CEMIP2: variants seen among roughly 807,000 people sequenced by gnomAD.
CEMIP2 encodes cell migration inducing hyaluronidase 2.
Under a neutral mutation model 146.9 loss-of-function variants are expected in CEMIP2, and 79 were observed. That is an observed-to-expected ratio of 0.54 (90% CI 0.45 to 0.65). CEMIP2 has a LOEUF of 0.65. Among genes scored for constraint, CEMIP2 ranks in the 30% least tolerant of loss-of-function variants. The pLI is 0.00. For missense variants in CEMIP2, 1,596 were observed against 1,696.2 expected (o/e 0.94, Z 1.04); for synonymous variants, 601 against 606.3 (o/e 0.99, Z 0.13).
intron 18 of CEMIP2, among the ~76,000 whole-genome samples, chr9:71,701,228 C>T (rs1243373705): frequency 6.6e-6 from 1 of 152,164 alleles, no homozygotes; most frequent in Admixed American, 6.5e-5. Context: ...GCCTCAGCCT[C>T]TCGAGTAGCT....
chr9:71,695,950 T>A (rs1167021287), intron 20 of CEMIP2, among the ~76,000 whole-genome samples: 3 of 151,962 alleles, frequency 2.0e-5, no homozygotes, highest in Non-Finnish European at 4.4e-5. Context: ...ACCCCGCCTC[T>A]ATATTTAAGA....
chr9:71,757,641 CT>C (rs1824504480), intron 1 of CEMIP2, among the ~76,000 whole-genome samples: 1 of 152,170 alleles, frequency 6.6e-6, no homozygotes, highest in African/African-American at 2.4e-5. Flanking sequence ...TTCTAACTGC[CT>C]TGAATTTTCA....
rs1461707661 is a variant in CEMIP2, at chr9:71,745,421, C to T, written c.631G>A (p.Gly211Ser). ...TITLYGKSDE[G>S]ESMPTFGKKF... ...TTGCCAAATGTTGGCATACTTTCACCTTCATCTGACTTGCCATACAAGGTA... is the reference window on the plus strand; with the variant it reads ...TTGCCAAATGTTGGCATACTTTCACTTTCATCTGACTTGCCATACAAGGTA... Residue 211 changes from glycine (G) to serine (S), a missense_variant, in exon 4 of 24, where the codon GGT becomes AGT. By Grantham distance (56) the Gly-to-Ser change is moderately conservative (BLOSUM62 0). Coordinates refer to ENST00000377044, the MANE Select transcript of CEMIP2 (RefSeq NM_013390.3). The T allele has an allele frequency of 6.2e-7, 1 of 1,614,034 alleles. No homozygotes were observed. Among genetic ancestry groups the T allele is most frequent in the Admixed American group, 1.7e-5 (1 of 59,996 alleles).
chr9:71,690,302 A>AT (rs1822191770), intron 21 of CEMIP2, 56 bp from the exon 22 acceptor site: 2 of 1,582,896 alleles, frequency 1.3e-6, no homozygotes, highest in Non-Finnish European at 8.6e-7. Flanking sequence ...CATCTGCAGG[A>AT]TGACTCATTT....
chr9:71,736,707 T>G (rs1204193682), intron 5 of CEMIP2, among the ~76,000 whole-genome samples: 1 of 152,204 alleles, frequency 6.6e-6, no homozygotes, highest in Non-Finnish European at 1.5e-5. Flanking sequence ...ATTCATGATA[T>G]AATCTGTCAT....
chr9:71,694,952 A>G (rs1370861060), intron 20 of CEMIP2, among the ~76,000 whole-genome samples: 1 of 152,192 alleles, frequency 6.6e-6, no homozygotes, highest in African/African-American at 2.4e-5. Context: ...TTTTCAGACC[A>G]TGGTCCCTCA....
intron 20 of CEMIP2, among the ~76,000 whole-genome samples, chr9:71,697,008 T>C (rs1335940569): frequency 6.6e-6 from 1 of 152,174 alleles, no homozygotes; most frequent in Non-Finnish European, 1.5e-5. Context: ...GCAGTATGCA[T>C]ATTTGTGGTA....
rs1318665982 is a variant in CEMIP2, at chr9:71,683,935, C to CTGCTTCTTTCCTCTTGG, written c.*1245_*1261dup. 2 of 152,312 alleles carry CTGCTTCTTTCCTCTTGG rather than the reference C, an allele frequency of 1.3e-5. No homozygotes were observed. The highest frequency in any genetic ancestry group is 4.8e-5 in the African/African-American group (2 of 41,450). 9.4% of individuals were successfully genotyped at this position (152,312 alleles called of 1,614,324 possible). On this transcript the variant is annotated 3_prime_UTR_variant, in exon 24 of 24. Transcript: ENST00000377044. ...TTTAGAACAACGTAAAGGCATTTTG[C>CTGCTTCTTTCCTCTTGG]TGCTTCTTTCCTCTTGGTACGGCAG...
intron 20 of CEMIP2, 110 bp downstream of exon 20, chr9:71,697,875 C>T: frequency 9.2e-7 from 1 of 1,092,826 alleles, no homozygotes; most frequent in Non-Finnish European, 1.3e-6. Context: ...AGATGCCATG[C>T]AATGTCCATA....
intron 5 of CEMIP2, among the ~76,000 whole-genome samples, chr9:71,739,361 C>CAAAAAAAAAA (rs71353516): frequency 4.7e-5 from 2 of 42,816 alleles, no homozygotes; most frequent in African/African-American, 2.2e-4. Context: ...GACTCTGTCT[C>CAAAAAAAAAA]AAAAAAAAAA....
At chr9:71,752,906 A>G (rs1402154566) in intron 1 of CEMIP2, among the ~76,000 whole-genome samples, 5 of 152,206 alleles carry the variant, frequency 3.3e-5, no homozygotes, top group Admixed American at 2.0e-4. Flanking sequence ...GTTTCTGTCA[A>G]AAACACTTGG....
chr9:71,764,731 G>A (rs1824736510), intron 1 of CEMIP2, among the ~76,000 whole-genome samples: 1 of 152,062 alleles, frequency 6.6e-6, no homozygotes, highest in Non-Finnish European at 1.5e-5. Context: ...AATGTCAGAT[G>A]GGCTTAAGTC....
At chr9:71,740,842 AGT>A (rs1374391537) in intron 4 of CEMIP2, among the ~76,000 whole-genome samples, 1 of 152,218 alleles carries the variant, frequency 6.6e-6, no homozygotes, top group Non-Finnish European at 1.5e-5. Flanking sequence ...TGATTTGGGC[AGT>A]GGTTCTCAAA....
In CEMIP2 at chr9:71,728,297, A is replaced by ACG. The variant is rs1179770875; in HGVS notation, c.2049+1547_2049+1548insCG. Among the ~76,000 whole-genome samples, 6 of 41,336 alleles carry ACG rather than the reference A, an allele frequency of 1.5e-4. 1 individual carries two copies. The highest frequency in any genetic ancestry group is 1.4e-3 in the East Asian group (2 of 1,386). 27.1% of individuals were successfully genotyped at this position (41,336 alleles called of 152,430 possible). On this transcript the variant is annotated intron_variant, in intron 10 of 23. Coordinates refer to ENST00000377044, the MANE Select transcript of CEMIP2 (RefSeq NM_013390.3). ...TATATATATGTATATATATATATATATATACATATATATATATATACGTAT... is the reference window on the plus strand; with the variant it reads ...TATATATATGTATATATATATATATACGTATACATATATATATATATACGTAT...
At chr9:71,727,650 A>C (rs957866358) in intron 10 of CEMIP2, among the ~76,000 whole-genome samples, 4 of 152,196 alleles carry the variant, frequency 2.6e-5, no homozygotes, top group African/African-American at 9.6e-5. Flanking sequence ...ATTTCCTTTT[A>C]AAAACTTTAA....
At chr9:71,747,255 AAATTTAT>A (rs1824118374) in intron 2 of CEMIP2, among the ~76,000 whole-genome samples, 1 of 152,218 alleles carries the variant, frequency 6.6e-6, no homozygotes, top group South Asian at 2.1e-4. Context: ...AGATATTTTA[AAATTTAT>A]AAAGCATAGA....
intron 10 of CEMIP2, among the ~76,000 whole-genome samples, chr9:71,727,445 A>G (rs1226704279): frequency 1.3e-5 from 2 of 152,168 alleles, no homozygotes; most frequent in East Asian, 3.9e-4. Flanking sequence ...AAAATGATCA[A>G]ATGTCTGGGT....
chr9:71,750,159 T>C lies in CEMIP2; in HGVS notation c.215A>G (p.Glu72Gly). ...TTTGTGTCTCTTTTGCTTTTGACTT[T>C]CTCTCTGGGCTTGCTGTTCTTCAGG... ...FSPEEQQAQR[E>G]SQKQKRHKNT... is the part of the protein sequence containing the mutation. The change falls in exon 2 of 24, where the codon GAA becomes GGA. Residue 72 changes from glutamate (E) to glycine (G), a missense_variant. By Grantham distance (98) the Glu-to-Gly change is moderately conservative. Coordinates refer to ENST00000377044, the MANE Select transcript of CEMIP2 (RefSeq NM_013390.3). 6.2e-7 allele frequency: 1 copy of C among 1,614,188 alleles called. No individual in the cohort carries two copies. The highest frequency in any genetic ancestry group is 1.1e-5 in the South Asian group (1 of 91,076).
intron 18 of CEMIP2, among the ~76,000 whole-genome samples, chr9:71,703,521 G>C (rs762911996): frequency 6.6e-6 from 1 of 152,170 alleles, no homozygotes; most frequent in Non-Finnish European, 1.5e-5. Flanking sequence ...ATTTCAACTG[G>C]ATGTTTTAAG....
Sources: allele counts gnomAD v4.1 joint callset (sites outside exome capture counted in the v4.1 genomes callset), GRCh38; gene constraint gnomAD v4.1.1; transcripts MANE v1.5; gene names NCBI Gene and HGNC (gene_info 2026-07-23, HGNC 2026-07-21).